Variants in GABRG2 observed in about 807,000 individuals in gnomAD.
GABRG2 encodes gamma-aminobutyric acid type A receptor subunit gamma2, also known as gamma-aminobutyric acid receptor subunit gamma-2.
Under a neutral mutation model 56.4 loss-of-function variants are expected in GABRG2, and 16 were observed. The ratio of observed to expected loss-of-function variants is 0.28; its 90% CI spans 0.19 to 0.43. GABRG2 has a LOEUF of 0.43. Ranked by LOEUF, GABRG2 falls within the 20% of genes least tolerant of loss-of-function variation. GABRG2 has a pLI of 1.00. For missense variants in GABRG2, 327 were observed against 582.7 expected, an observed-to-expected ratio of 0.56 and a Z score of 4.52; for synonymous variants, 208 against 205.5, an observed-to-expected ratio of 1.01 and a Z score of -0.10.
chr5:162,102,209 T>C (rs1300853920), intron 5 of GABRG2: 2 of 208,858 alleles, frequency 9.6e-6, no homozygotes, highest in African/African-American at 2.3e-5. Flanking sequence ...GGACATCATA[T>C]TTACCTAGAA....
chr5:162,127,932 GCTGC>G (rs2113520937), intron 6 of GABRG2, among the ~76,000 whole-genome samples: 1 of 152,086 alleles, frequency 6.6e-6, no homozygotes, highest in African/African-American at 2.4e-5. Context: ...AGCACAGAGT[GCTGC>G]TCAGGGTAAA....
chr5:162,126,787 G>A (rs1040879484), intron 6 of GABRG2, among the ~76,000 whole-genome samples: 2 of 151,868 alleles, frequency 1.3e-5, no homozygotes, highest in African/African-American at 4.8e-5. Context: ...TCCCTGAAAC[G>A]TTCTTCACTT....
chr5:162,088,248 A>T (rs1393823665), intron 1 of GABRG2, among the ~76,000 whole-genome samples: 1 of 152,028 alleles, frequency 6.6e-6, no homozygotes, highest in African/African-American at 2.4e-5. Context: ...CCCCCTTCCC[A>T]TGATCATATA....
intron 4 of GABRG2, chr5:162,098,165 G>A (rs1187508518): frequency 2.6e-6 from 1 of 380,562 alleles, no homozygotes; most frequent in South Asian, 2.7e-5. Flanking sequence ...TTGCACCTAC[G>A]CTTTGCACTC....
chr5:162,113,595 A>T (rs1413541504), intron 6 of GABRG2, among the ~76,000 whole-genome samples: 1 of 152,226 alleles, frequency 6.6e-6, no homozygotes, highest in East Asian at 1.9e-4. Context: ...TGAAAGCTTC[A>T]GTTTAGACAA....
At chr5:162,104,109 C>T (rs1304358435) in intron 6 of GABRG2, 83 bp downstream of exon 6, 7 of 1,215,464 alleles carry the variant, frequency 5.8e-6, no homozygotes, top group Non-Finnish European at 7.3e-6. Flanking sequence ...TTTTTCAATA[C>T]CTCTCAATGA....
chr5:162,118,798 T>C (rs1388248490), intron 6 of GABRG2, among the ~76,000 whole-genome samples: 3 of 152,118 alleles, frequency 2.0e-5, no homozygotes, highest in Non-Finnish European at 2.9e-5. Flanking sequence ...TAGGGTATTA[T>C]TAAAGCGACA....
intron 7 of GABRG2, 82 bp downstream of exon 7, chr5:162,142,398 C>A: frequency 7.0e-7 from 1 of 1,423,242 alleles, no homozygotes; most frequent in Non-Finnish European, 9.9e-7. Context: ...CTATGTTGAT[C>A]TGCTTTAAAT....
intron 1 of GABRG2, among the ~76,000 whole-genome samples, chr5:162,080,154 G>C (rs1759535938): frequency 6.6e-6 from 1 of 152,080 alleles, no homozygotes; most frequent in African/African-American, 2.4e-5. Context: ...TCTAATACTT[G>C]CATGCCACTG....
chr5:162,105,727 G>A (rs1581368692), intron 6 of GABRG2, among the ~76,000 whole-genome samples: 2 of 151,688 alleles, frequency 1.3e-5, no homozygotes. Context: ...ACCGCGCCCG[G>A]CCTAGAACAA....
intron 6 of GABRG2, among the ~76,000 whole-genome samples, chr5:162,115,849 G>A (rs365359): frequency 0.34 from 51,335 of 151,818 alleles, 9,157 homozygotes; most frequent in East Asian, 0.6. Flanking sequence ...AAATAATAAT[G>A]ATAATGATAA....
chr5:162,131,687 T>G (rs1303764458), intron 6 of GABRG2, among the ~76,000 whole-genome samples: 1 of 151,996 alleles, frequency 6.6e-6, no homozygotes, highest in Non-Finnish European at 1.5e-5. Context: ...TATAAAGACT[T>G]TTAACATGCA....
At chr5:162,134,974 T>A (rs1338958761) in intron 6 of GABRG2, among the ~76,000 whole-genome samples, 1 of 152,196 alleles carries the variant, frequency 6.6e-6, no homozygotes, top group African/African-American at 2.4e-5. Context: ...AATGCACTTT[T>A]TAAAATTATA....
At position 162,116,109 on chromosome 5, in the gene GABRG2, CATGT is replaced by C. The variant is rs753648527; in HGVS notation, c.769+12084_769+12087del. Among the ~76,000 whole-genome samples the C allele has an allele frequency of 2.3e-3, 291 of 125,548 alleles. 2 individuals are homozygous for C. The highest frequency in any genetic ancestry group is 0.012 in the South Asian group (47 of 4,082). The allele number at this position is 125,548 out of a possible 152,430, so 82.4% of individuals were successfully genotyped here. ...AATTAAACACCAAGGGGTGTGCGTG[CATGT>C]GTGTGTGTGTGTGTGTGTGTGTGTG... On this transcript the variant is annotated intron_variant, in intron 6 of 9. Coordinates refer to ENST00000639213, the MANE Select transcript of GABRG2 (RefSeq NM_198904.4).
At chr5:162,083,215 A>G (rs1759800410) in intron 1 of GABRG2, among the ~76,000 whole-genome samples, 1 of 151,754 alleles carries the variant, frequency 6.6e-6, no homozygotes, top group Non-Finnish European at 1.5e-5. Context: ...GTCACCATAG[A>G]GCAATATGAA....
chr5:162,119,088 G>T (rs1283610784), intron 6 of GABRG2, among the ~76,000 whole-genome samples: 1 of 152,048 alleles, frequency 6.6e-6, no homozygotes, highest in Non-Finnish European at 1.5e-5. Flanking sequence ...TAAACTTTCA[G>T]ATAAGGAATA....
intron 4 of GABRG2, chr5:162,099,415 C>T (rs985182859): frequency 9.9e-5 from 15 of 152,126 alleles, no homozygotes; most frequent in Admixed American, 4.6e-4. Context: ...ACCACAGGCA[C>T]GTGCCACTAC....
rs113085352 is a variant in GABRG2 at position 162,153,194 on chromosome 5, C to T, written c.1254C>T (p.Asp418=). 1.3e-4 allele frequency: 212 copies of T among 1,614,034 alleles called. 1 individual carries two copies. In the East Asian group the frequency reaches 3.5e-3, roughly 27 times the overall value. ...AAGAGTACGGCTATGAGTGTCTGGA[C>T]GGCAAGGACTGTGCCAGTTTTTTCT... is the stretch of plus-strand genomic sequence containing the variant. ...RDEEYGYECL[D]GKDCASFFCC... is the part of the protein sequence containing the mutation. The change falls in exon 10 of 10, where the codon GAC becomes GAT. Residue 418 remains aspartate, a synonymous_variant. Coordinates refer to ENST00000639213, the MANE Select transcript of GABRG2 (RefSeq NM_198904.4).
At chr5:162,110,515 A>G (rs1325290095) in intron 6 of GABRG2, among the ~76,000 whole-genome samples, 1 of 152,074 alleles carries the variant, frequency 6.6e-6, no homozygotes. Flanking sequence ...GTCCTTGGTA[A>G]GGAGACATGC....
Sources: gnomAD v4.1 joint callset for allele counts (sites outside exome capture counted in the v4.1 genomes callset) on GRCh38, gnomAD v4.1.1 for gene constraint, MANE v1.5 for transcripts, NCBI Gene and HGNC (gene_info 2026-07-23, HGNC 2026-07-21) for gene names.